OLFM3: variants seen among roughly 807,000 people sequenced by gnomAD.
The protein encoded by OLFM3 is olfactomedin 3, also known as noelin-3.
OLFM3 carries 20 observed loss-of-function variants against 48.6 expected under a neutral mutation model. The ratio of observed to expected loss-of-function variants is 0.41; its 90% CI spans 0.29 to 0.60. The LOEUF is 0.60. Among genes scored for constraint, OLFM3 ranks in the 20% least tolerant of loss-of-function variants. OLFM3 has a pLI of 0.28. For missense variants in OLFM3, 437 were observed against 544.3 expected, an observed-to-expected ratio of 0.80 and a Z score of 1.96; for synonymous variants, 222 against 198.1, an observed-to-expected ratio of 1.12 and a Z score of -1.01.
chr1:101,919,790 T>C (rs563295209), intron 1 of OLFM3, among the ~76,000 whole-genome samples: 1 of 152,280 alleles, frequency 6.6e-6, no homozygotes, highest in Admixed American at 6.5e-5. Context: ...TCCACAGTCA[T>C]TTACCTAAAC....
chr1:101,976,607 C>T (rs944975110), intron 1 of OLFM3, among the ~76,000 whole-genome samples: 3 of 152,100 alleles, frequency 2.0e-5, no homozygotes, highest in African/African-American at 4.8e-5. Flanking sequence ...TCTTATAAGT[C>T]CGGCTTCATC....
chr1:101,909,768 G>C (rs1391354375), intron 1 of OLFM3, among the ~76,000 whole-genome samples: 1 of 152,102 alleles, frequency 6.6e-6, no homozygotes, highest in African/African-American at 2.4e-5. Context: ...GGTAAGTTAT[G>C]TTATTTTGAG....
At chr1:101,974,124 A>C (rs1660884956) in intron 1 of OLFM3, among the ~76,000 whole-genome samples, 1 of 151,940 alleles carries the variant, frequency 6.6e-6, no homozygotes, top group Admixed American at 6.6e-5. Flanking sequence ...AGATAACACT[A>C]ACAAAAAATT....
Position 101,825,084 on chromosome 1 carries a change from T to C in OLFM3, c.534A>G (p.Glu178=), listed in dbSNP as rs1316768976. ...CCAAGCTCAGCACTCTTTGGTGTAG[T>C]TCCTCGTAGTCATAGGCACCAATTT... is the stretch of plus-strand genomic sequence containing the variant. ...QEEIGAYDYE[E]LHQRVLSLET... Residue 178 remains glutamate (E), a synonymous_variant, in exon 4 of 6, where the codon GAA becomes GAG. Transcript: ENST00000370103. 9.3e-6 allele frequency: 15 copies of C among 1,613,878 alleles called. No individual in the cohort carries two copies. Among genetic ancestry groups the C allele is most frequent in the African/African-American group, 1.3e-5 (1 of 74,892 alleles).
intron 1 of OLFM3, among the ~76,000 whole-genome samples, chr1:101,948,636 A>G (rs1013333422): frequency 1.3e-5 from 2 of 152,034 alleles, no homozygotes; most frequent in South Asian, 4.1e-4. Flanking sequence ...TTTTGTCTAA[A>G]TAAGTCTCAC....
At chr1:101,884,230 G>A (rs1205241704) in intron 1 of OLFM3, among the ~76,000 whole-genome samples, 4 of 151,866 alleles carry the variant, frequency 2.6e-5, no homozygotes, top group Admixed American at 2.0e-4. Context: ...AAAAAGAAAA[G>A]TCATTATATG....
chr1:101,994,323 G>A (rs956485993), intron 1 of OLFM3, among the ~76,000 whole-genome samples: 7 of 150,808 alleles, frequency 4.6e-5, no homozygotes, highest in Admixed American at 4.6e-4. Context: ...CAGTTGGTTA[G>A]CATTTCTGTT....
chr1:101,949,879 G>T (rs967309642), intron 1 of OLFM3, among the ~76,000 whole-genome samples: 2 of 146,034 alleles, frequency 1.4e-5, no homozygotes, highest in South Asian at 4.4e-4. Context: ...GCAGTGAGCC[G>T]AGATCGCGCC....
chr1:101,928,492 A>G (rs1007642238), intron 1 of OLFM3, among the ~76,000 whole-genome samples: 2 of 152,154 alleles, frequency 1.3e-5, no homozygotes, highest in Non-Finnish European at 2.9e-5. Context: ...ACCCAGTAAC[A>G]CTAGCACAGA....
chr1:101,921,589 G>C (rs1364299954), intron 1 of OLFM3, among the ~76,000 whole-genome samples: 1 of 152,162 alleles, frequency 6.6e-6, no homozygotes, highest in African/African-American at 2.4e-5. Flanking sequence ...CAGTGAGTCA[G>C]TAAGTCTTAG....
chr1:101,884,017 T>G (rs1328901203), intron 1 of OLFM3, among the ~76,000 whole-genome samples: 1 of 151,838 alleles, frequency 6.6e-6, no homozygotes, highest in African/African-American at 2.4e-5. Context: ...AGAAAGAATG[T>G]TTAGGTTTAT....
At chr1:101,900,149 G>A (rs891225494) in intron 1 of OLFM3, among the ~76,000 whole-genome samples, 1 of 152,112 alleles carries the variant, frequency 6.6e-6, no homozygotes, top group Non-Finnish European at 1.5e-5. Context: ...TATGTTTGAT[G>A]TTTCCCACTA....
intron 1 of OLFM3, among the ~76,000 whole-genome samples, chr1:101,899,395 A>C (rs1999796): frequency 0.037 from 5,705 of 152,262 alleles, 233 homozygotes; most frequent in East Asian, 0.22. Flanking sequence ...GAGGGAGAGG[A>C]GGGGCAAGAC....
At chr1:101,886,924 T>C (rs901425630) in intron 1 of OLFM3, among the ~76,000 whole-genome samples, 2 of 152,078 alleles carry the variant, frequency 1.3e-5, no homozygotes, top group Admixed American at 6.6e-5. Flanking sequence ...AAATAAAACA[T>C]CATACTTTCC....
At chr1:101,868,117 GGTAT>G (rs1354344873) in intron 1 of OLFM3, among the ~76,000 whole-genome samples, 1 of 152,060 alleles carries the variant, frequency 6.6e-6, no homozygotes, top group Non-Finnish European at 1.5e-5. Flanking sequence ...TCCAGTCTCG[GGTAT>G]GTCTTATAGC....
intron 3 of OLFM3, among the ~76,000 whole-genome samples, chr1:101,829,646 G>A (rs187855588): frequency 1.0e-3 from 155 of 152,294 alleles, no homozygotes; most frequent in African/African-American, 3.5e-3. Flanking sequence ...TCCTTTCCTT[G>A]CCCAAGGGCT....
intron 1 of OLFM3, among the ~76,000 whole-genome samples, chr1:101,900,406 G>A (rs1658352032): frequency 6.6e-6 from 1 of 152,032 alleles, no homozygotes; most frequent in African/African-American, 2.4e-5. Context: ...AAAATGAGAT[G>A]GAATAAGGGA....
chr1:101,921,378 A>T (rs1659089558), intron 1 of OLFM3, among the ~76,000 whole-genome samples: 1 of 152,198 alleles, frequency 6.6e-6, no homozygotes, highest in African/African-American at 2.4e-5. Context: ...CGCAAAAGAA[A>T]CATATTTTGA....
At chr1:101,988,619 G>T (rs1277966077) in intron 1 of OLFM3, among the ~76,000 whole-genome samples, 1 of 151,912 alleles carries the variant, frequency 6.6e-6, no homozygotes, top group Non-Finnish European at 1.5e-5. Flanking sequence ...AGTTTATTAG[G>T]TGTTCCTTGA....
Sources: gnomAD v4.1 joint callset for allele counts (sites outside exome capture counted in the v4.1 genomes callset) on GRCh38, gnomAD v4.1.1 for gene constraint, MANE v1.5 for transcripts, NCBI Gene and HGNC (gene_info 2026-07-23, HGNC 2026-07-21) for gene names.